USP12: variants seen among roughly 807,000 people sequenced by gnomAD.
The protein encoded by USP12 is ubiquitin carboxyl-terminal hydrolase 12.
A neutral mutation model predicts 45.5 loss-of-function variants in USP12; 19 were observed. The observed-to-expected ratio is 0.42, with a 90% confidence interval of 0.29 to 0.61. The LOEUF is 0.61. Ranked by LOEUF, USP12 falls within the 20% of genes least tolerant of loss-of-function variation. The probability of loss-of-function intolerance (pLI) is 0.22; values close to 1 mark genes in which losing one functional copy is unlikely to be tolerated. For synonymous variants in USP12, 149 were observed against 148.8 expected (o/e 1.00, Z -0.01); for missense variants, 242 against 447.7 (o/e 0.54, Z 4.15).
At chr13:27,106,234 A>AT (rs1439134718) in intron 2 of USP12, among the ~76,000 whole-genome samples, 35 of 152,300 alleles carry the variant, frequency 2.3e-4, no homozygotes, top group South Asian at 1.5e-3. Context: ...AGTCACCAGT[A>AT]TGACAGTCTA....
chr13:27,167,037 T>C (rs1451101599), intron 1 of USP12, among the ~76,000 whole-genome samples: 3 of 152,152 alleles, frequency 2.0e-5, no homozygotes, highest in Non-Finnish European at 1.5e-5. Context: ...TCAAGTTTTT[T>C]AAAAAGTTAA....
intron 1 of USP12, among the ~76,000 whole-genome samples, chr13:27,146,767 T>A (rs1877327285): frequency 3.3e-5 from 5 of 152,186 alleles, no homozygotes; most frequent in Admixed American, 3.3e-4. Context: ...CTCCTCTAAA[T>A]AAAGATAAAT....
intron 2 of USP12, among the ~76,000 whole-genome samples, chr13:27,107,623 G>C (rs1331746469): frequency 2.0e-5 from 3 of 152,198 alleles, no homozygotes. Context: ...GCAGCAACAA[G>C]TTTCTCCTAT....
rs762755639 is a variant in USP12, at chr13:27,116,612, C to T, written c.49-16G>A. The T allele has an allele frequency of 3.7e-6, 6 of 1,607,360 alleles. No homozygotes were observed. Among genetic ancestry groups the T allele is most frequent in the African/African-American group, 1.3e-5 (1 of 74,520 alleles). Reference sequence around the variant, plus strand: ...CATTGGCGCCCTATAAAATGAAAAACAAAAATCTTAGTATTTATAGTAGTC... The same window carrying T: ...CATTGGCGCCCTATAAAATGAAAAATAAAAATCTTAGTATTTATAGTAGTC... On this transcript the variant is annotated splice_polypyrimidine_tract_variant and intron_variant, in intron 1 of 8. Coordinates refer to ENST00000282344, the MANE Select transcript of USP12 (RefSeq NM_182488.4).
chr13:27,072,956 C>T (rs1176611868), intron 7 of USP12, among the ~76,000 whole-genome samples: 1 of 152,160 alleles, frequency 6.6e-6, no homozygotes, highest in Non-Finnish European at 1.5e-5. Context: ...TATGATTAGT[C>T]TTTTATTAGT....
chr13:27,117,635 G>T, intron 1 of USP12: 1 of 361,690 alleles, frequency 2.8e-6, no homozygotes, highest in African/African-American at 2.1e-5. Context: ...GTGTTTAATA[G>T]CACACGGAAA....
chr13:27,086,571 T>C (rs1233936238), intron 6 of USP12, among the ~76,000 whole-genome samples: 3 of 152,160 alleles, frequency 2.0e-5, no homozygotes, highest in African/African-American at 7.2e-5. Context: ...TATTTTCTAA[T>C]ACATTAAAAT....
intron 4 of USP12, among the ~76,000 whole-genome samples, chr13:27,092,664 A>G (rs1012822515): frequency 2.0e-5 from 3 of 152,232 alleles, no homozygotes; most frequent in African/African-American, 7.2e-5. Flanking sequence ...GGACATCCAC[A>G]TGCAAAAAAA....
intron 1 of USP12, among the ~76,000 whole-genome samples, chr13:27,127,251 G>A (rs1214699899): frequency 6.6e-6 from 1 of 152,150 alleles, no homozygotes; most frequent in Non-Finnish European, 1.5e-5. Context: ...CCTAAAACTG[G>A]CATTGCACCA....
At chr13:27,163,004 CA>C (rs1878179867) in intron 1 of USP12, 1 of 152,166 alleles carries the variant, frequency 6.6e-6, no homozygotes, top group Non-Finnish European at 1.5e-5. Context: ...GGCTCTTAAA[CA>C]AGGAGGCCCT....
intron 1 of USP12, among the ~76,000 whole-genome samples, chr13:27,147,880 C>A (rs1877381760): frequency 6.6e-6 from 1 of 152,124 alleles, no homozygotes; most frequent in Non-Finnish European, 1.5e-5. Context: ...GTAATCCCAG[C>A]ACTTTGGGAG....
At chr13:27,137,881 TGA>T (rs1301415489) in intron 1 of USP12, among the ~76,000 whole-genome samples, 1 of 152,244 alleles carries the variant, frequency 6.6e-6, no homozygotes, top group African/African-American at 2.4e-5. Flanking sequence ...GCTGCCGCGC[TGA>T]GAGGACTTAT....
intron 1 of USP12, among the ~76,000 whole-genome samples, chr13:27,161,841 C>G (rs1420880737): frequency 6.6e-6 from 1 of 151,402 alleles, no homozygotes; most frequent in South Asian, 2.1e-4. Context: ...GAGACTGCAC[C>G]ACTGCACTCC....
chr13:27,155,349 G>C (rs1877787618), intron 1 of USP12, among the ~76,000 whole-genome samples: 1 of 151,934 alleles, frequency 6.6e-6, no homozygotes, highest in African/African-American at 2.4e-5. Flanking sequence ...CCAAGGTGCT[G>C]GGATCACAGG....
intron 1 of USP12, among the ~76,000 whole-genome samples, chr13:27,143,117 G>C (rs1295273047): frequency 6.8e-6 from 1 of 147,514 alleles, no homozygotes; most frequent in Admixed American, 6.7e-5. Context: ...AAAAAAGAGT[G>C]AAAGAACAAT....
At position 27,095,944 on chromosome 13, in the gene USP12, T is replaced by C. The variant is rs942830122; in HGVS notation, c.344-114A>G. ...TCAGAACTAAAATATAAATGCACAA[T>C]GTTTTTGTAATGTATAACAAATAAC... On this transcript the variant is annotated intron_variant, in intron 3 of 8. Transcript: ENST00000282344. 4 of 731,178 alleles carry C rather than the reference T, an allele frequency of 5.5e-6. No homozygotes were observed. In the Admixed American group the frequency reaches 1.1e-4, roughly 20 times the overall value. 45.3% of individuals were successfully genotyped at this position (731,178 alleles called of 1,614,324 possible).
intron 1 of USP12, among the ~76,000 whole-genome samples, chr13:27,119,286 G>A (rs540803309): frequency 6.6e-6 from 1 of 152,296 alleles, no homozygotes; most frequent in South Asian, 2.1e-4. Flanking sequence ...TGGCAGACAA[G>A]AGCCAATTCC....
At chr13:27,126,225 C>A (rs1016239831) in intron 1 of USP12, among the ~76,000 whole-genome samples, 101 of 152,298 alleles carry the variant, frequency 6.6e-4, no homozygotes, top group African/African-American at 2.3e-3. Flanking sequence ...CCAGTAGGGG[C>A]CGACAGACAC....
chr13:27,080,434 G>C (rs544988238), intron 6 of USP12, among the ~76,000 whole-genome samples: 1 of 152,308 alleles, frequency 6.6e-6, no homozygotes, highest in African/African-American at 2.4e-5. Context: ...ATTAAATCTA[G>C]GGCAGATACT....
Sources: allele counts gnomAD v4.1 joint callset (sites outside exome capture counted in the v4.1 genomes callset), GRCh38; gene constraint gnomAD v4.1.1; transcripts MANE v1.5; gene names NCBI Gene and HGNC (gene_info 2026-07-23, HGNC 2026-07-21).